The following PLD5 variants were observed in gnomAD, a reference collection of about 807,000 sequenced individuals.
The protein encoded by PLD5 is inactive phospholipase D5.
PLD5 carries 36 observed loss-of-function variants against 61.1 expected under a neutral mutation model. That is an observed-to-expected ratio of 0.59 (90% CI 0.45 to 0.78). PLD5 has a LOEUF of 0.78. Ranked by LOEUF, PLD5 falls within the 30% of genes least tolerant of loss-of-function variation. The pLI is 0.00. For synonymous variants in PLD5, 243 were observed against 242.8 expected (o/e 1.00, Z -0.01); for missense variants, 515 against 644.4 (o/e 0.80, Z 2.17).
intron 1 of PLD5, among the ~76,000 whole-genome samples, chr1:242,493,053 T>C (rs1668219789): frequency 6.6e-6 from 1 of 152,186 alleles, no homozygotes; most frequent in African/African-American, 2.4e-5. Flanking sequence ...GAAACCAACC[T>C]GACCTATATC....
Position 242,328,364 on chromosome 1 carries a change from A to G in PLD5, c.326+19742T>C, listed in dbSNP as rs1246013660. Among the ~76,000 whole-genome samples, 10 of 151,346 alleles carry G rather than the reference A, an allele frequency of 6.6e-5. No homozygotes were observed. The South Asian group carries it at 8.3e-4, about 13-fold the overall frequency. On this transcript the variant is annotated intron_variant, in intron 2 of 9. Coordinates refer to ENST00000536534, the MANE Select transcript of PLD5 (RefSeq NM_001372062.1). ...TGTGTTCTACATGTGTGTTCTACAT[A>G]TGTGTTCTACATGTGTTCACACGTG...
chr1:242,414,253 T>C (rs1664707959), intron 1 of PLD5, among the ~76,000 whole-genome samples: 2 of 152,294 alleles, frequency 1.3e-5, no homozygotes, highest in South Asian at 4.1e-4. Context: ...ATTGAGTGTT[T>C]AATTGTTTAC....
intron 5 of PLD5, among the ~76,000 whole-genome samples, chr1:242,167,445 C>A (rs1558297653): frequency 6.6e-6 from 1 of 152,144 alleles, no homozygotes; most frequent in Non-Finnish European, 1.5e-5. Flanking sequence ...TATTCATTAT[C>A]ATGAGAACAG....
chr1:242,348,097 A>C lies in PLD5; in HGVS notation c.326+9T>G. ...CCCTAAAAGAGAATTTTTGTTTGTT[A>C]CCTCTTACCGACATTTATTTTGGCA... On this transcript the variant is annotated intron_variant, in intron 2 of 9. Transcript: ENST00000536534. 6.2e-7 allele frequency: 1 copy of C among 1,611,610 alleles called. No individual in the cohort carries two copies. Among genetic ancestry groups the C allele is most frequent in the Non-Finnish European group, 8.5e-7 (1 of 1,179,162 alleles).
rs150681354 is a variant in PLD5, at chr1:242,156,998, C to T, written c.736-32333G>A. Among the ~76,000 whole-genome samples the T allele has an allele frequency of 2.8e-3, 427 of 152,232 alleles. 4 individuals carry two copies. The highest frequency in any genetic ancestry group is 0.021 in the South Asian group (102 of 4,826). ...GTCACTTTCAGGCACACCAATCAAA[C>T]GTAGATTTGGTCTTTTCACATAGTT... On this transcript the variant is annotated intron_variant, in intron 5 of 9. Coordinates refer to ENST00000536534, the MANE Select transcript of PLD5 (RefSeq NM_001372062.1).
chr1:242,377,031 C>T, intron 1 of PLD5: 3 of 1,611,770 alleles, frequency 1.9e-6, no homozygotes, highest in South Asian at 1.1e-5. Flanking sequence ...GCACACTTTG[C>T]ACTTTCTGTC....
intron 1 of PLD5, among the ~76,000 whole-genome samples, chr1:242,428,559 C>A (rs1665553651): frequency 6.6e-6 from 1 of 152,188 alleles, no homozygotes; most frequent in African/African-American, 2.4e-5. Flanking sequence ...AATTCACGAG[C>A]ATAATGCATG....
chr1:242,388,372 T>C (rs1225058248), intron 1 of PLD5, among the ~76,000 whole-genome samples: 1 of 152,168 alleles, frequency 6.6e-6, no homozygotes, highest in Non-Finnish European at 1.5e-5. Context: ...CATTTTCCCC[T>C]AGCTACTTTC....
At chr1:242,309,546 G>GT (rs1676575255) in intron 2 of PLD5, among the ~76,000 whole-genome samples, 1 of 151,902 alleles carries the variant, frequency 6.6e-6, no homozygotes, top group Admixed American at 6.6e-5. Context: ...GCTAATTTTT[G>GT]TATTTTTAGT....
At chr1:242,113,818 T>G in intron 7 of PLD5, 72 bp downstream of exon 7, 1 of 1,502,712 alleles carries the variant, frequency 6.7e-7, no homozygotes, top group South Asian at 1.3e-5. Flanking sequence ...CAGGCTGGCT[T>G]CTCCTGTGGT....
At chr1:242,259,453 G>A (rs574070477) in intron 4 of PLD5, among the ~76,000 whole-genome samples, 241 of 152,276 alleles carry the variant, frequency 1.6e-3, no homozygotes, top group African/African-American at 5.6e-3. Flanking sequence ...AAAGTAGGTT[G>A]TATTTGGGAA....
chr1:242,497,422 AAAAGATCTTTCTCTTCCTCT>A (rs1668406682), intron 1 of PLD5, among the ~76,000 whole-genome samples: 1 of 152,208 alleles, frequency 6.6e-6, no homozygotes, highest in African/African-American at 2.4e-5. Context: ...CACCTGCCCA[AAAAGATCTTTCTCTTCCTCT>A]AAATTTTCTA....
intron 2 of PLD5, among the ~76,000 whole-genome samples, chr1:242,336,856 T>C (rs1659541146): frequency 6.6e-6 from 1 of 152,230 alleles, no homozygotes; most frequent in Non-Finnish European, 1.5e-5. Context: ...ATGATGAGTT[T>C]TGTAGATTAA....
chr1:242,479,639 C>T (rs1164075402), intron 1 of PLD5, among the ~76,000 whole-genome samples: 1 of 152,034 alleles, frequency 6.6e-6, no homozygotes, highest in Non-Finnish European at 1.5e-5. Flanking sequence ...TAATAAAAAT[C>T]CCAAGAGACT....
chr1:242,336,380 G>A (rs1659511663), intron 2 of PLD5, among the ~76,000 whole-genome samples: 3 of 152,056 alleles, frequency 2.0e-5, no homozygotes, highest in South Asian at 2.1e-4. Context: ...TGGTCATTAC[G>A]CTAACAACAA....
intron 5 of PLD5, among the ~76,000 whole-genome samples, chr1:242,158,772 A>T (rs949481678): frequency 6.6e-6 from 1 of 152,090 alleles, no homozygotes; most frequent in African/African-American, 2.4e-5. Context: ...CCGTCTTGCC[A>T]TCAGTCTCCT....
rs1661756834 is a variant in PLD5 at position 242,373,382 on chromosome 1, G to C, written c.190-25140C>G. On this transcript the variant is annotated intron_variant, in intron 1 of 9. Coordinates refer to ENST00000536534, the MANE Select transcript of PLD5 (RefSeq NM_001372062.1). ...GTAAACTAGTTCAACCATTGTGGAA[G>C]ACAGTGTGGCGATTCCTCAAGGATC... Among the ~76,000 whole-genome samples the C allele has an allele frequency of 2.0e-5, 3 of 152,332 alleles. No individual in the cohort carries two copies. The South Asian group carries it at 6.2e-4, about 32-fold the overall frequency.
intron 1 of PLD5, among the ~76,000 whole-genome samples, chr1:242,482,299 A>T (rs1031688696): frequency 6.6e-6 from 1 of 152,200 alleles, no homozygotes; most frequent in African/African-American, 2.4e-5. Context: ...CAAAGAAGTT[A>T]AAAACCTTGA....
intron 1 of PLD5, among the ~76,000 whole-genome samples, chr1:242,462,916 T>G (rs1425271147): frequency 6.6e-6 from 1 of 152,216 alleles, no homozygotes; most frequent in Non-Finnish European, 1.5e-5. Flanking sequence ...ACATTACTTG[T>G]GCCTTAATTC....
Sources: allele counts gnomAD v4.1 joint callset (sites outside exome capture counted in the v4.1 genomes callset), GRCh38; gene constraint gnomAD v4.1.1; transcripts MANE v1.5; gene names NCBI Gene and HGNC (gene_info 2026-07-23, HGNC 2026-07-21).